The following SUCLA2 variants were observed in gnomAD, a reference collection of about 807,000 sequenced individuals.
The protein encoded by SUCLA2 is succinate--CoA ligase [ADP-forming] subunit beta, mitochondrial.
In SUCLA2, 30 loss-of-function variants were observed where a neutral mutation model predicts 54.8. The observed-to-expected ratio is 0.55, with a 90% confidence interval of 0.41 to 0.74. The LOEUF (loss-of-function observed/expected upper bound fraction) is 0.74, where lower values mean the gene tolerates loss of function less well. SUCLA2 is among the 30% of genes least tolerant of loss of function. The pLI, the probability that SUCLA2 is intolerant of heterozygous loss-of-function variation, is 0.00. For missense variants in SUCLA2, 476 were observed against 562.9 expected (o/e 0.85, Z 1.56); for synonymous variants, 172 against 188.9 (o/e 0.91, Z 0.74).
At chr13:47,951,460 C>G (rs1176438278) in intron 8 of SUCLA2, among the ~76,000 whole-genome samples, 1 of 152,136 alleles carries the variant, frequency 6.6e-6, no homozygotes, top group Non-Finnish European at 1.5e-5. Flanking sequence ...CCTGCATGCT[C>G]AATTCTGTCA....
intron 4 of SUCLA2, among the ~76,000 whole-genome samples, chr13:47,978,755 T>C (rs9567967): frequency 0.096 from 14,613 of 152,182 alleles, 816 homozygotes; most frequent in South Asian, 0.18. Flanking sequence ...GAGAAAATTT[T>C]TGCAATCTAT....
At chr13:47,978,388 C>T (rs1679097279) in intron 4 of SUCLA2, among the ~76,000 whole-genome samples, 1 of 152,150 alleles carries the variant, frequency 6.6e-6, no homozygotes, top group Non-Finnish European at 1.5e-5. Flanking sequence ...TGATCTTTGA[C>T]AAACCTGACA....
chr13:47,964,169 C>A (rs1269236113), intron 6 of SUCLA2, among the ~76,000 whole-genome samples: 1 of 151,926 alleles, frequency 6.6e-6, no homozygotes, highest in African/African-American at 2.4e-5. Context: ...CTGGATAGAC[C>A]TCAAAGGCAT....
chr13:47,951,312 C>A lies in SUCLA2; in HGVS notation c.1108-1709G>T, dbSNP rs1466027513. On this transcript the variant is annotated intron_variant, in intron 8 of 10. Transcript: ENST00000646932. ...CTTCTTAAAAGCCTCTAGTCCGCCA[C>A]CCCGCCCCCGCTCCCAAGAAAAAGC... Among the ~76,000 whole-genome samples, 14 of 134,130 alleles carry A rather than the reference C, an allele frequency of 1.0e-4. 1 individual carries two copies. The highest frequency in any genetic ancestry group is 3.6e-3 in the Middle Eastern group (1 of 280). The allele number at this position is 134,130 out of a possible 152,430, so 88.0% of individuals were successfully genotyped here.
In SUCLA2 at chr13:47,971,730, A is replaced by G. The variant is rs1593490406; in HGVS notation, c.663+1534T>C. The G allele has an allele frequency of 4.1e-5, 16 of 393,620 alleles. No homozygotes were observed. The East Asian group carries it at 5.7e-4, about 14-fold the overall frequency. 24.4% of individuals were successfully genotyped at this position (393,620 alleles called of 1,614,324 possible). On this transcript the variant is annotated intron_variant, in intron 5 of 10. Transcript: ENST00000646932. ...AACCACAGCTCTATTATGGAGATAT[A>G]TAAGACAGTGTCCCATCCATTCTAC...
intron 8 of SUCLA2, among the ~76,000 whole-genome samples, chr13:47,950,402 T>C (rs1266837286): frequency 1.3e-5 from 2 of 152,336 alleles, no homozygotes; most frequent in East Asian, 3.9e-4. Context: ...TGCCAGCCTC[T>C]TTCTCTGGCC....
intron 2 of SUCLA2, among the ~76,000 whole-genome samples, chr13:47,990,031 A>T (rs778281074): frequency 2.0e-5 from 3 of 152,120 alleles, no homozygotes; most frequent in Non-Finnish European, 2.9e-5. Flanking sequence ...TGTTTAGCCT[A>T]GATAGTACTC....
chr13:47,972,127 C>A, intron 5 of SUCLA2: 1 of 331,754 alleles, frequency 3.0e-6, no homozygotes, highest in Non-Finnish European at 5.4e-6. Context: ...TGGTGACGTG[C>A]GCCTGTAGTC....
chr13:47,984,204 T>A, intron 4 of SUCLA2, among the ~76,000 whole-genome samples: 1 of 152,110 alleles, frequency 6.6e-6, no homozygotes, highest in Non-Finnish European at 1.5e-5. Context: ...CTTTTTTTTT[T>A]TTTTATTTTG....
At chr13:47,952,226 G>A (rs1949782098) in intron 8 of SUCLA2, among the ~76,000 whole-genome samples, 1 of 151,928 alleles carries the variant, frequency 6.6e-6, no homozygotes, top group Non-Finnish European at 1.5e-5. Context: ...GTCCTTCGAT[G>A]TCACCACTCT....
In SUCLA2 at chr13:47,973,340, G is replaced by A; in HGVS notation, c.587C>T (p.Ala196Val). The change falls in exon 5 of 11, where the codon GCT becomes GTT. Residue 196 changes from alanine (A) to valine (V), a missense_variant. By Grantham distance (64) the Ala-to-Val change is moderately conservative. Transcript: ENST00000646932. ...SHGGVNIEDV[A>V]AESPEAIIKE... ...AATTATTGCTTCAGGAGACTCAGCA[G>A]CAACATCTTCAATGTTGACACCACC... 1 of 1,613,282 alleles carries A rather than the reference G, an allele frequency of 6.2e-7. No homozygotes were observed. Among genetic ancestry groups the A allele is most frequent in the Non-Finnish European group, 8.5e-7 (1 of 1,179,518 alleles).
At chr13:47,996,778 A>G in intron 2 of SUCLA2, 65 bp downstream of exon 2, 1 of 1,547,914 alleles carries the variant, frequency 6.5e-7, no homozygotes, top group Non-Finnish European at 8.8e-7. Context: ...TCAAACCAAA[A>G]ACAAACTTCA....
chr13:47,966,492 T>C (rs181511109), intron 6 of SUCLA2, among the ~76,000 whole-genome samples: 84 of 148,520 alleles, frequency 5.7e-4, no homozygotes, highest in Middle Eastern at 3.4e-3. Flanking sequence ...ACATTTAAGT[T>C]AGATAGGCTG....
intron 6 of SUCLA2, among the ~76,000 whole-genome samples, chr13:47,959,596 ACT>A (rs1338535954): frequency 1.3e-5 from 2 of 151,956 alleles, no homozygotes; most frequent in Non-Finnish European, 2.9e-5. Flanking sequence ...AAAATCTGGT[ACT>A]GATTGGAAAG....
chr13:47,958,174 A>T (rs2137699729), intron 6 of SUCLA2, among the ~76,000 whole-genome samples: 1 of 152,188 alleles, frequency 6.6e-6, no homozygotes, highest in Admixed American at 6.5e-5. Flanking sequence ...GAGTCTGGGG[A>T]GGTTTGGCCT....
At position 47,971,797 on chromosome 13, in the gene SUCLA2, T is replaced by C. The variant is rs1316426672; in HGVS notation, c.663+1467A>G. 11 of 398,234 alleles carry C rather than the reference T, an allele frequency of 2.8e-5. No homozygotes were observed. The Admixed American group carries it at 4.8e-4, about 18-fold the overall frequency. The allele number at this position is 398,234 out of a possible 1,614,324, so 24.7% of individuals were successfully genotyped here. A position where few individuals can be genotyped will look rare whatever the true frequency, so the allele number is the denominator to read the frequency against. On this transcript the variant is annotated intron_variant, in intron 5 of 10. Coordinates refer to ENST00000646932, the MANE Select transcript of SUCLA2 (RefSeq NM_003850.3). ...AAAGGGGACACAGGAATATTTTAAATGTTTAACCACTTAAACCATGGAGAT... is the reference window on the plus strand; with the variant it reads ...AAAGGGGACACAGGAATATTTTAAACGTTTAACCACTTAAACCATGGAGAT...
rs764108833 is a variant in SUCLA2 at position 47,973,355 on chromosome 13, T to C, written c.572A>G (p.Asn191Ser). Residue 191 changes from asparagine to serine, a missense_variant, in exon 5 of 11, where the codon AAC becomes AGC. Coordinates refer to ENST00000646932, the MANE Select transcript of SUCLA2 (RefSeq NM_003850.3). ...AGACTCAGCAGCAACATCTTCAATG[T>C]TGACACCACCATGTGAACTTCCTAT... ...VLIGSSHGGV[N>S]IEDVAAESPE... 1.7e-5 allele frequency: 28 copies of C among 1,613,656 alleles called. No homozygotes were observed. Among genetic ancestry groups the C allele is most frequent in the Non-Finnish European group, 1.1e-5 (13 of 1,179,942 alleles).
chr13:47,999,536 T>A (rs1174346045), intron 1 of SUCLA2, among the ~76,000 whole-genome samples: 2 of 151,998 alleles, frequency 1.3e-5, no homozygotes, highest in African/African-American at 4.8e-5. Flanking sequence ...TGAAACCCCG[T>A]CTTTACTAAA....
intron 4 of SUCLA2, among the ~76,000 whole-genome samples, chr13:47,983,862 C>T (rs574938740): frequency 3.0e-4 from 45 of 151,634 alleles, no homozygotes; most frequent in African/African-American, 1.0e-3. Context: ...GAAGGCAACA[C>T]GAGGAGAAAA....
Sources: allele counts gnomAD v4.1 joint callset (sites outside exome capture counted in the v4.1 genomes callset), GRCh38; gene constraint gnomAD v4.1.1; transcripts MANE v1.5; gene names NCBI Gene and HGNC (gene_info 2026-07-23, HGNC 2026-07-21).